ATRNL1: variants seen among roughly 807,000 people sequenced by gnomAD.
The protein encoded by ATRNL1 is attractin-like protein 1.
ATRNL1 carries 95 observed loss-of-function variants against 182.7 expected under a neutral mutation model. The ratio of observed to expected loss-of-function variants is 0.52; its 90% CI spans 0.44 to 0.62. ATRNL1 has a LOEUF of 0.62. Among genes scored for constraint, ATRNL1 ranks in the 20% least tolerant of loss-of-function variants. The pLI, the probability that ATRNL1 is intolerant of heterozygous loss-of-function variation, is 0.00. For synonymous variants in ATRNL1, 576 were observed against 568.3 expected, an observed-to-expected ratio of 1.01 and a Z score of -0.19; for missense variants, 1,471 against 1,679.5, an observed-to-expected ratio of 0.88 and a Z score of 2.17.
intron 27 of ATRNL1, among the ~76,000 whole-genome samples, chr10:115,818,673 A>C (rs1380707678): frequency 6.6e-6 from 1 of 152,098 alleles, no homozygotes; most frequent in Non-Finnish European, 1.5e-5. Context: ...TTTTCCTTCT[A>C]GTCACTTAGA....
chr10:115,803,590 T>G (rs1949848887), intron 27 of ATRNL1, among the ~76,000 whole-genome samples: 1 of 141,310 alleles, frequency 7.1e-6, no homozygotes, highest in African/African-American at 2.6e-5. Flanking sequence ...GAAGTTTGGG[T>G]TTTTTTGTGT....
chr10:115,853,076 G>C (rs1555100971), intron 28 of ATRNL1, among the ~76,000 whole-genome samples: 1 of 152,042 alleles, frequency 6.6e-6, no homozygotes, highest in African/African-American at 2.4e-5. Context: ...ATGGGGTCGG[G>C]TTAGATTCCT....
Position 115,342,736 on chromosome 10 carries a change from C to G in ATRNL1, c.3175+8317C>G, listed in dbSNP as rs551098383. On this transcript the variant is annotated intron_variant, in intron 19 of 28. Transcript: ENST00000355044. ...TGCTGATTAATGTCATTTTTTTTTT[C>G]TGTTTGGAGTACTCCCTTTAGCATT... Among the ~76,000 whole-genome samples, 21 of 149,032 alleles carry G rather than the reference C, an allele frequency of 1.4e-4. 1 individual carries two copies. The East Asian group carries it at 4.1e-3, about 29-fold the overall frequency.
chr10:115,253,419 C>T (rs1392102432), intron 10 of ATRNL1, among the ~76,000 whole-genome samples: 2 of 152,130 alleles, frequency 1.3e-5, no homozygotes, highest in African/African-American at 4.8e-5. Context: ...AGGTAGCTTG[C>T]AACTGACTCT....
At chr10:115,712,867 CAAA>C (rs68003846) in intron 26 of ATRNL1, among the ~76,000 whole-genome samples, 1 of 139,950 alleles carries the variant, frequency 7.1e-6, no homozygotes, top group Non-Finnish European at 1.6e-5. Context: ...GACAATGTTT[CAAA>C]AAAAAAAAAG....
chr10:115,443,105 A>G (rs1227125744), intron 21 of ATRNL1, among the ~76,000 whole-genome samples: 5 of 152,052 alleles, frequency 3.3e-5, no homozygotes, highest in African/African-American at 9.7e-5. Flanking sequence ...TTTTTAAACC[A>G]TTACATTTTC....
intron 26 of ATRNL1, among the ~76,000 whole-genome samples, chr10:115,561,735 AGT>A (rs2133840386): frequency 9.8e-6 from 1 of 102,200 alleles, no homozygotes; most frequent in East Asian, 2.3e-4. Flanking sequence ...TTGTGTGGTC[AGT>A]AACTCATGAA....
chr10:115,779,800 G>T (rs1473577480), intron 27 of ATRNL1, among the ~76,000 whole-genome samples: 1 of 152,032 alleles, frequency 6.6e-6, no homozygotes, highest in Admixed American at 6.6e-5. Flanking sequence ...TCTAGGGTTG[G>T]TACAAAACAT....
At chr10:115,447,548 G>A (rs1233517357) in intron 21 of ATRNL1, among the ~76,000 whole-genome samples, 1 of 151,692 alleles carries the variant, frequency 6.6e-6, no homozygotes, top group Non-Finnish European at 1.5e-5. Flanking sequence ...CATACTCTGT[G>A]AATCCTACAA....
chr10:115,843,850 C>A (rs1400475850), intron 27 of ATRNL1, among the ~76,000 whole-genome samples: 3 of 152,012 alleles, frequency 2.0e-5, no homozygotes, highest in African/African-American at 7.2e-5. Flanking sequence ...CTATTACAGG[C>A]AATATAGCAT....
At chr10:115,623,374 G>A (rs1282604647) in intron 26 of ATRNL1, among the ~76,000 whole-genome samples, 2 of 152,134 alleles carry the variant, frequency 1.3e-5, no homozygotes, top group African/African-American at 4.8e-5. Context: ...ATTTTAAAAT[G>A]TAAGCACTAT....
At chr10:115,427,954 A>T (rs1464780166) in intron 21 of ATRNL1, among the ~76,000 whole-genome samples, 1 of 151,980 alleles carries the variant, frequency 6.6e-6, no homozygotes, top group Non-Finnish European at 1.5e-5. Flanking sequence ...CAATTTTCAA[A>T]AAAATTGCTA....
chr10:115,453,057 G>T (rs1847355366), intron 21 of ATRNL1, among the ~76,000 whole-genome samples: 1 of 152,020 alleles, frequency 6.6e-6, no homozygotes, highest in Non-Finnish European at 1.5e-5. Flanking sequence ...ATATTTAATT[G>T]TATGTATATA....
chr10:115,277,290 A>G lies in ATRNL1; in HGVS notation c.2101-4065A>G, dbSNP rs142025624. On this transcript the variant is annotated intron_variant, in intron 13 of 28. Coordinates refer to ENST00000355044, the MANE Select transcript of ATRNL1 (RefSeq NM_207303.4). ...TTTTTTAGGATGAATAAAGATAAAA[A>G]TTATATCTGGGTACTTTTTATCTGC... is the stretch of plus-strand genomic sequence containing the variant. Among the ~76,000 whole-genome samples the G allele has an allele frequency of 4.9e-3, 752 of 152,214 alleles. 4 individuals carry two copies. Among genetic ancestry groups the G allele is most frequent in the African/African-American group, 0.016 (663 of 41,578 alleles).
chr10:115,392,237 T>G (rs1844065196), intron 19 of ATRNL1, among the ~76,000 whole-genome samples: 2 of 152,314 alleles, frequency 1.3e-5, no homozygotes, highest in South Asian at 2.1e-4. Flanking sequence ...TTTCAGATTT[T>G]TTCTTATATA....
At chr10:115,507,933 C>G (rs2133660299) in intron 24 of ATRNL1, among the ~76,000 whole-genome samples, 1 of 152,078 alleles carries the variant, frequency 6.6e-6, no homozygotes, top group East Asian at 1.9e-4. Flanking sequence ...GTTTTTGAAA[C>G]TGCTGGTATA....
At chr10:115,442,270 G>GCTCT (rs71895625) in intron 21 of ATRNL1, among the ~76,000 whole-genome samples, 4,263 of 100,360 alleles carry the variant, frequency 0.042, 241 homozygotes, top group African/African-American at 0.11. Flanking sequence ...ATTTGTGTTT[G>GCTCT]CTCTCTCTCT....
chr10:115,553,873 C>T (rs2133819243), intron 26 of ATRNL1, among the ~76,000 whole-genome samples: 1 of 151,528 alleles, frequency 6.6e-6, no homozygotes, highest in South Asian at 2.1e-4. Context: ...AATAGATTCT[C>T]ATCTAAGTAA....
intron 8 of ATRNL1, among the ~76,000 whole-genome samples, chr10:115,183,837 C>T (rs910669927): frequency 6.6e-6 from 1 of 151,396 alleles, no homozygotes; most frequent in Non-Finnish European, 1.5e-5. Context: ...GCCACTTAAA[C>T]CCACTACACA....
Sources: allele counts gnomAD v4.1 joint callset (sites outside exome capture counted in the v4.1 genomes callset), GRCh38; gene constraint gnomAD v4.1.1; transcripts MANE v1.5; gene names NCBI Gene and HGNC (gene_info 2026-07-23, HGNC 2026-07-21).